LINGO2: variants seen among roughly 807,000 people sequenced by gnomAD.
LINGO2 encodes leucine rich repeat and Ig domain containing 2.
LINGO2 carries 14 observed loss-of-function variants against 30.6 expected under a neutral mutation model. That is an observed-to-expected ratio of 0.46 (90% CI 0.30 to 0.72). The LOEUF is 0.72. LINGO2 is among the 30% of genes least tolerant of loss of function. LINGO2 has a pLI of 0.07. For synonymous variants in LINGO2, 317 were observed against 288.5 expected, an observed-to-expected ratio of 1.10 and a Z score of -1.00; for missense variants, 729 against 751.7, an observed-to-expected ratio of 0.97 and a Z score of 0.35.
At chr9:28,501,017 A>G (rs1212700688) in intron 1 of LINGO2, among the ~76,000 whole-genome samples, 4 of 152,160 alleles carry the variant, frequency 2.6e-5, no homozygotes, top group Admixed American at 2.6e-4. Context: ...AGAGAAAAAT[A>G]AAGACTTTTA....
the LINGO2 span, among the ~76,000 whole-genome samples, chr9:28,758,482 G>A: frequency 5.3e-5 from 8 of 152,090 alleles, no homozygotes; most frequent in East Asian, 7.7e-4. Context: ...TAAATTTCCC[G>A]TATAAAGCCT....
the LINGO2 span, among the ~76,000 whole-genome samples, chr9:28,753,451 A>G: frequency 6.6e-6 from 1 of 152,192 alleles, no homozygotes; most frequent in Admixed American, 6.5e-5. Flanking sequence ...TACTCTCTTC[A>G]GAGTTAGTCC....
At chr9:28,612,454 T>C (rs572871360) in intron 1 of LINGO2, among the ~76,000 whole-genome samples, 27 of 152,288 alleles carry the variant, frequency 1.8e-4, no homozygotes, top group Non-Finnish European at 2.9e-4. Flanking sequence ...GGAGGGGGGC[T>C]ATGTCCTGGA....
chr9:28,066,195 A>G lies in LINGO2; in HGVS notation c.-86-53790T>C, dbSNP rs141262114. ...GATAACTGCTGACTGTACCACAGAGACAGCCTAAATTTTCTCCATGATTTT... is the reference window on the plus strand; with the variant it reads ...GATAACTGCTGACTGTACCACAGAGGCAGCCTAAATTTTCTCCATGATTTT... On this transcript the variant is annotated intron_variant, in intron 4 of 5. Transcript: ENST00000379992. Among the ~76,000 whole-genome samples the G allele has an allele frequency of 1.7e-3, 253 of 152,206 alleles. 2 individuals carry two copies. The highest frequency in any genetic ancestry group is 5.6e-3 in the African/African-American group (233 of 41,538).
At chr9:28,384,605 C>G (rs1212169631) in intron 2 of LINGO2, among the ~76,000 whole-genome samples, 1 of 151,914 alleles carries the variant, frequency 6.6e-6, no homozygotes. Context: ...ATACGTCTGT[C>G]ATGTTGGCAT....
chr9:28,483,876 T>A (rs937450461), intron 1 of LINGO2, among the ~76,000 whole-genome samples: 1 of 152,028 alleles, frequency 6.6e-6, no homozygotes, highest in Non-Finnish European at 1.5e-5. Context: ...AGGATTGTTT[T>A]AAACACATTC....
the LINGO2 span, among the ~76,000 whole-genome samples, chr9:28,691,123 T>G: frequency 3.3e-5 from 5 of 152,174 alleles, no homozygotes; most frequent in African/African-American, 1.2e-4. Flanking sequence ...GTTAAGACAG[T>G]TTGAAAATCA....
chr9:28,569,501 G>C (rs150087633), intron 1 of LINGO2, among the ~76,000 whole-genome samples: 106 of 152,008 alleles, frequency 7.0e-4, no homozygotes, highest in African/African-American at 2.5e-3. Flanking sequence ...AGATGACCTA[G>C]AGGACATTTT....
the LINGO2 span, among the ~76,000 whole-genome samples, chr9:29,003,321 G>C: frequency 3.3e-5 from 5 of 151,982 alleles, no homozygotes; most frequent in African/African-American, 1.2e-4. Context: ...TAATGAATTT[G>C]TATGCTCTTT....
intron 5 of LINGO2, among the ~76,000 whole-genome samples, chr9:27,997,394 C>A (rs192774248): frequency 6.6e-6 from 1 of 151,998 alleles, no homozygotes; most frequent in East Asian, 1.9e-4. Flanking sequence ...AGATGTGCTC[C>A]CCCCTCCCCC....
At chr9:28,905,278 CAAAA>C in the LINGO2 span, among the ~76,000 whole-genome samples, 7 of 131,014 alleles carry the variant, frequency 5.3e-5, no homozygotes, top group East Asian at 8.8e-4. Context: ...ACAACAAAAG[CAAAA>C]AAAAAAAAAA....
the LINGO2 span, among the ~76,000 whole-genome samples, chr9:29,181,494 T>A: frequency 6.6e-6 from 1 of 152,178 alleles, no homozygotes; most frequent in African/African-American, 2.4e-5. Flanking sequence ...AAGTGTCATA[T>A]GAAAAGTATA....
At chr9:28,693,656 TTAAA>T in the LINGO2 span, among the ~76,000 whole-genome samples, 11 of 152,024 alleles carry the variant, frequency 7.2e-5, no homozygotes, top group Admixed American at 7.2e-4. Context: ...TGTCTTGGAG[TTAAA>T]TAAGTTCTCA....
the LINGO2 span, among the ~76,000 whole-genome samples, chr9:28,768,497 A>T: frequency 1.3e-5 from 2 of 151,886 alleles, no homozygotes; most frequent in African/African-American, 4.8e-5. Flanking sequence ...ATTCCCCCCA[A>T]AAGCTCTGAT....
intron 4 of LINGO2, among the ~76,000 whole-genome samples, chr9:28,196,954 T>C (rs534776638): frequency 6.6e-6 from 1 of 151,946 alleles, no homozygotes; most frequent in South Asian, 2.1e-4. Context: ...AAAACTACAG[T>C]CAGAAGGAAT....
chr9:28,557,285 C>G (rs1201360627), intron 1 of LINGO2, among the ~76,000 whole-genome samples: 1 of 151,780 alleles, frequency 6.6e-6, no homozygotes, highest in Non-Finnish European at 1.5e-5. Context: ...ACAATGAACT[C>G]CAACAAATTT....
At chr9:28,366,580 C>T (rs936738039) in intron 3 of LINGO2, among the ~76,000 whole-genome samples, 1 of 151,930 alleles carries the variant, frequency 6.6e-6, no homozygotes, top group Non-Finnish European at 1.5e-5. Context: ...GGACTCACTG[C>T]TTCATGTTAG....
Position 28,553,418 on chromosome 9 carries a change from T to C in LINGO2, c.-364-77393A>G, listed in dbSNP as rs150755154. On this transcript the variant is annotated intron_variant, in intron 1 of 5. Transcript: ENST00000379992. Reference sequence around the variant, plus strand: ...TATCAGCAATGGAAGATGAAATGAATGAAATGAAGTGAGAAGGGAAGTTTA... The same window carrying C: ...TATCAGCAATGGAAGATGAAATGAACGAAATGAAGTGAGAAGGGAAGTTTA... Among the ~76,000 whole-genome samples the C allele has an allele frequency of 2.7e-3, 408 of 151,684 alleles. 17 individuals carry two copies. In the East Asian group the frequency reaches 0.069, roughly 26 times the overall value.
At chr9:27,953,571 C>G (rs1819420019) in intron 5 of LINGO2, among the ~76,000 whole-genome samples, 3 of 152,032 alleles carry the variant, frequency 2.0e-5, no homozygotes, top group African/African-American at 7.3e-5. Flanking sequence ...TGCTGCTGTT[C>G]TTGTGATAAT....
Sources: gnomAD v4.1 joint callset for allele counts (sites outside exome capture counted in the v4.1 genomes callset) on GRCh38, gnomAD v4.1.1 for gene constraint, MANE v1.5 for transcripts, NCBI Gene and HGNC (gene_info 2026-07-23, HGNC 2026-07-21) for gene names.